MAP7D1: variants seen among roughly 807,000 people sequenced by gnomAD.
MAP7D1 encodes MAP7 domain containing 1.
In MAP7D1, 30 loss-of-function variants were observed where a neutral mutation model predicts 97.5. The observed-to-expected ratio is 0.31, with a 90% CI of 0.23 to 0.42. MAP7D1 has a LOEUF of 0.42. Ranked by LOEUF, MAP7D1 falls within the 10% of genes least tolerant of loss-of-function variation. The probability of loss-of-function intolerance (pLI) is 1.00; values close to 1 mark genes in which losing one functional copy is unlikely to be tolerated. For missense variants in MAP7D1, 1,184 were observed against 1,179.5 expected (o/e 1.00, Z -0.06); for synonymous variants, 536 against 477.1 (o/e 1.12, Z -1.61).
chr1:36,159,212 C>T lies in MAP7D1; in HGVS notation c.46+2749C>T, dbSNP rs1348201011. Among the ~76,000 whole-genome samples the T allele has an allele frequency of 3.3e-5, 5 of 152,232 alleles. No homozygotes were observed. The highest frequency in any genetic ancestry group is 2.1e-4 in the South Asian group (1 of 4,826). ...AGCTGGGATTACAGGCGCCTGCCAC[C>T]GCGCCCGGCTAATTTTTGTATTTTT... On this transcript the variant is annotated intron_variant, in intron 1 of 16. Coordinates refer to ENST00000474796, the MANE Select transcript of MAP7D1 (RefSeq NM_001388490.1). This position sits in a 1 kb window ranked among gnomAD's most constrained non-coding sequence, Gnocchi z 5.4.
At chr1:36,165,967 T>A (rs1366578579) in intron 1 of MAP7D1, among the ~76,000 whole-genome samples, 1 of 151,770 alleles carries the variant, frequency 6.6e-6, no homozygotes, top group African/African-American at 2.4e-5. Flanking sequence ...TGACCTCAGG[T>A]GATCCACCTG....
rs779166554 is a variant in MAP7D1, at chr1:36,178,151, C to T, written c.1658C>T (p.Pro553Leu). The change falls in exon 9 of 17, where the codon CCC (proline) becomes CTC (leucine). Residue 553 changes from proline to leucine, a missense_variant. Transcript: ENST00000474796. The stretch of plus-strand genomic sequence containing the variant: ...CCGGCACCTTCGCCGGCGCCCTCGC[C>T]CACCCCAGCCCCGCCCCAGAAGGAG... ...ASPAPSPAPSPTPAPPQKEQP... is the reference protein window; with the variant it reads ...ASPAPSPAPSLTPAPPQKEQP... 2.7e-5 allele frequency: 42 copies of T among 1,577,650 alleles called. No individual in the cohort carries two copies. The Admixed American group carries it at 3.7e-4, about 14-fold the overall frequency.
At chr1:36,156,524 AGGATGAGGCCGGCCGGCTGGGCGG>A (rs1644331748) in intron 1 of MAP7D1, 61 bp downstream of exon 1, 4 of 1,309,302 alleles carry the variant, frequency 3.1e-6, no homozygotes, top group South Asian at 3.6e-5. Flanking sequence ...AGGGCGGCCG[AGGATGAGGCCGGCCGGCTGGGCGG>A]GGACCCCTCC....
Position 36,180,314 on chromosome 1 carries a change from A to G in MAP7D1, c.*56A>G, listed in dbSNP as rs1644699642. On this transcript the variant is annotated 3_prime_UTR_variant, in exon 17 of 17. Coordinates refer to ENST00000474796, the MANE Select transcript of MAP7D1 (RefSeq NM_001388490.1). ...TGAGGGCTCCTCTGCATCACCTACC[A>G]GGATGTCTGGAGGAGAAAAAGACAG... 1 of 1,612,252 alleles carries G rather than the reference A, an allele frequency of 6.2e-7. No homozygotes were observed.
chr1:36,158,190 C>G (rs938770574), intron 1 of MAP7D1, among the ~76,000 whole-genome samples: 4 of 151,994 alleles, frequency 2.6e-5, no homozygotes, highest in Non-Finnish European at 5.9e-5. Context: ...GGCCGGTGGG[C>G]AGACTGCATA....
intron 1 of MAP7D1, among the ~76,000 whole-genome samples, chr1:36,168,959 A>G (rs934338503): frequency 2.0e-5 from 3 of 152,144 alleles, no homozygotes; most frequent in African/African-American, 7.2e-5. Context: ...ATTAAAACTA[A>G]TAACATATAA....
At position 36,156,267 on chromosome 1, in the gene MAP7D1, C is replaced by G; in HGVS notation, c.-151C>G. On this transcript the variant is annotated 5_prime_UTR_variant, in exon 1 of 17. Transcript: ENST00000474796. ...CCTCCGAGACTCGCGGGCCACCTGC[C>G]TCGACCTTCCCCGGAGCGCCCCCGC... 1.8e-6 allele frequency: 1 copy of G among 545,730 alleles called. No individual in the cohort carries two copies. Among genetic ancestry groups the G allele is most frequent in the Non-Finnish European group, 2.9e-6 (1 of 344,128 alleles). 33.8% of individuals were successfully genotyped at this position (545,730 alleles called of 1,614,324 possible).
intron 1 of MAP7D1, among the ~76,000 whole-genome samples, chr1:36,165,369 C>T (rs769607110): frequency 1.3e-5 from 2 of 152,050 alleles, no homozygotes; most frequent in East Asian, 1.9e-4. Context: ...GTGATCCTCC[C>T]ACCTCAGTCT....
Position 36,179,890 on chromosome 1 carries a change from T to A in MAP7D1, c.2335T>A (p.Leu779Met). 2.5e-6 allele frequency: 4 copies of A among 1,613,098 alleles called. No homozygotes were observed. The highest frequency in any genetic ancestry group is 3.4e-6 in the Non-Finnish European group (4 of 1,179,450). The change falls in exon 16 of 17, where the codon TTG becomes ATG. Residue 779 changes from leucine to methionine, a missense_variant. Physicochemically the swap from Leu to Met is conservative, Grantham distance 15 (BLOSUM62 2). Transcript: ENST00000474796. ...CATCCACAGTCTCCCAAGCAAGGAG[T>A]TGCCAGCGTCCCTGGTGAATGGCCT... ...EPQWSLPSKE[L>M]PASLVNGLQP...
intron 1 of MAP7D1, among the ~76,000 whole-genome samples, chr1:36,161,511 G>T (rs947773135): frequency 6.6e-6 from 1 of 152,220 alleles, no homozygotes; most frequent in African/African-American, 2.4e-5. Context: ...CTCTGAACCT[G>T]TTTCCTCGTT....
In MAP7D1 at chr1:36,176,563, C is replaced by T; in HGVS notation, c.1215C>T (p.Arg405=). The change falls in exon 7 of 17, where the codon CGC becomes CGT. Residue 405 remains arginine, a synonymous_variant. Transcript: ENST00000474796. The surrounding 1 kb of genome is among the most constrained non-coding windows in gnomAD (Gnocchi z 6.1). ...GGGGCAGCCCCGCTCCGGTGCGCCG[C>T]CGGCCGGAGGCCTCGCCGGTGAGTG... ...NAGGSPAPVR[R]RPEASPVQKK... 2 of 1,481,084 alleles carry T rather than the reference C, an allele frequency of 1.4e-6. No homozygotes were observed. The highest frequency in any genetic ancestry group is 1.8e-6 in the Non-Finnish European group (2 of 1,116,926). 91.7% of individuals were successfully genotyped at this position (1,481,084 alleles called of 1,614,324 possible).
rs558286618 is a variant in MAP7D1, at chr1:36,178,838, C to T, written c.2025+15C>T. On this transcript the variant is annotated intron_variant, in intron 11 of 16. Transcript: ENST00000474796. ...TGCAGAAGCAGGTGCCCCCGGCGGG[C>T]GGGAAGCGGCTGGGCGCGGGCGCCG... The T allele has an allele frequency of 6.5e-7, 1 of 1,544,902 alleles. No homozygotes were observed. The highest frequency in any genetic ancestry group is 8.7e-7 in the Non-Finnish European group (1 of 1,144,868).
At chr1:36,173,938 G>A (rs917237859) in intron 5 of MAP7D1, among the ~76,000 whole-genome samples, 1 of 152,110 alleles carries the variant, frequency 6.6e-6, no homozygotes, top group African/African-American at 2.4e-5. Flanking sequence ...GCAATGGCAA[G>A]TTTCAGTATT....
intron 3 of MAP7D1, 47 bp from the exon 4 acceptor site, chr1:36,172,417 C>T (rs1196189007): frequency 7.1e-7 from 1 of 1,410,008 alleles, no homozygotes; most frequent in Non-Finnish European, 9.4e-7. Flanking sequence ...TGGCCCAGGC[C>T]TTCTGCAGAA....
Position 36,180,678 on chromosome 1 carries a change from TC to T in MAP7D1, c.*422del, listed in dbSNP as rs1644704780. The T allele has an allele frequency of 4.2e-6, 1 of 237,468 alleles. No homozygotes were observed. The highest frequency in any genetic ancestry group is 8.3e-6 in the Non-Finnish European group (1 of 119,892). The allele number at this position is 237,468 out of a possible 1,614,324, so 14.7% of individuals were successfully genotyped here. A position where few individuals can be genotyped will look rare whatever the true frequency, so the allele number is the denominator to read the frequency against. On this transcript the variant is annotated 3_prime_UTR_variant, in exon 17 of 17. Coordinates refer to ENST00000474796, the MANE Select transcript of MAP7D1 (RefSeq NM_001388490.1). ...CCCCCAAAGCCCCCTGGGGAGATCTTCCTCTCTCTATTTAACTGTAACTGAG... is the reference window on the plus strand; with the variant it reads ...CCCCCAAAGCCCCCTGGGGAGATCTTCTCTCTCTATTTAACTGTAACTGAG...
chr1:36,164,616 C>A (rs1021021091), intron 1 of MAP7D1, among the ~76,000 whole-genome samples: 3 of 151,882 alleles, frequency 2.0e-5, no homozygotes, highest in East Asian at 3.9e-4. Flanking sequence ...AGAGAGCAAG[C>A]GGGGAGCAGG....
Position 36,176,294 on chromosome 1 carries a change from A to G in MAP7D1, c.946A>G (p.Thr316Ala). ...SFLARSRSAVTLPRNGRDQGR... is the reference protein window; with the variant it reads ...SFLARSRSAVALPRNGRDQGR... ...CCTTGCTCGGAGTCGCAGCGCGGTC[A>G]CACTGCCCCGCAACGGCCGGGACCA... Residue 316 changes from threonine to alanine, a missense_variant, in exon 7 of 17, where the codon ACA (threonine) becomes GCA (alanine). By Grantham distance (58) the Thr-to-Ala change is moderately conservative (BLOSUM62 0). Transcript: ENST00000474796. This position sits in a 1 kb window ranked among gnomAD's most constrained non-coding sequence, Gnocchi z 6.1. The G allele has an allele frequency of 6.3e-7, 1 of 1,589,680 alleles. No individual in the cohort carries two copies. Among genetic ancestry groups the G allele is most frequent in the Non-Finnish European group, 8.5e-7 (1 of 1,170,404 alleles).
At chr1:36,169,161 A>G (rs1644509547) in intron 1 of MAP7D1, among the ~76,000 whole-genome samples, 1 of 151,490 alleles carries the variant, frequency 6.6e-6, no homozygotes. Context: ...CTGAGGCAGG[A>G]TAATCACTTG....
rs1320147859 is a variant in MAP7D1 at position 36,176,885 on chromosome 1, AT to A, written c.1379+46del. On this transcript the variant is annotated intron_variant, in intron 8 of 16. Coordinates refer to ENST00000474796, the MANE Select transcript of MAP7D1 (RefSeq NM_001388490.1). This position sits in a 1 kb window ranked among gnomAD's most constrained non-coding sequence, Gnocchi z 6.1. ...GAGGGACCCTGCCCCTCACCGGGTC[AT>A]TTATTCATCACCCACAAATATTTGT... is the stretch of plus-strand genomic sequence containing the variant. The A allele has an allele frequency of 5.4e-6, 8 of 1,488,962 alleles. No individual in the cohort carries two copies. The Middle Eastern group carries it at 7.0e-4, about 129-fold the overall frequency. The allele number at this position is 1,488,962 out of a possible 1,614,324, so 92.2% of individuals were successfully genotyped here. A position where few individuals can be genotyped will look rare whatever the true frequency, so the allele number is the denominator to read the frequency against.
Sources: allele counts gnomAD v4.1 joint callset (sites outside exome capture counted in the v4.1 genomes callset), GRCh38; gene constraint gnomAD v4.1.1; non-coding constraint Gnocchi (gnomAD v3.1); transcripts MANE v1.5; gene names NCBI Gene and HGNC (gene_info 2026-07-23, HGNC 2026-07-21).